The following MDM4 variants were observed in gnomAD, a reference collection of about 807,000 sequenced individuals.
MDM4 encodes MDM4 regulator of p53.
A neutral mutation model predicts 60.2 loss-of-function variants in MDM4; 2 were observed. That is an observed-to-expected ratio of 0.03 (90% CI 0.01 to 0.10). MDM4 has a LOEUF of 0.10. Ranked by LOEUF, MDM4 falls within the 10% of genes least tolerant of loss-of-function variation. The probability of loss-of-function intolerance (pLI) is 1.00; values close to 1 mark genes in which losing one functional copy is unlikely to be tolerated. For missense variants in MDM4, 447 were observed against 577.5 expected, an observed-to-expected ratio of 0.77 and a Z score of 2.32; for synonymous variants, 202 against 198.1, an observed-to-expected ratio of 1.02 and a Z score of -0.17.
intron 3 of MDM4, chr1:204,529,400 G>A (rs897048383): frequency 9.2e-5 from 109 of 1,187,622 alleles, no homozygotes; most frequent in African/African-American, 1.2e-4. Flanking sequence ...GCTGGGCACC[G>A]TAGGAATTTG....
chr1:204,530,171 C>T (rs1010571275), intron 3 of MDM4, among the ~76,000 whole-genome samples: 1 of 152,108 alleles, frequency 6.6e-6, no homozygotes, highest in Admixed American at 6.6e-5. Flanking sequence ...CCACTTCAGC[C>T]GACTAAATTT....
intron 5 of MDM4, among the ~76,000 whole-genome samples, chr1:204,533,547 AG>A (rs1661075152): frequency 6.6e-6 from 1 of 152,080 alleles, no homozygotes; most frequent in Non-Finnish European, 1.5e-5. Context: ...TAGTAGAGAC[AG>A]GGTTTTGCTG....
In MDM4 at chr1:204,542,942, C is replaced by G; in HGVS notation, c.670C>G (p.Gln224Glu). The change falls in exon 8 of 11, where the codon CAG (glutamine) becomes GAG (glutamate). Residue 224 changes from glutamine to glutamate, a missense_variant and splice_region_variant. Gln to Glu is a conservative substitution (Grantham distance 29). Transcript: ENST00000367182. ...SNGSTDLQTNQDVGTAIVSDT... is the reference protein window; with the variant it reads ...SNGSTDLQTNEDVGTAIVSDT... Reference sequence around the variant, plus strand: ...TGGCTCAACTGATTTACAGACAAATCAGGTAAATTTCACATTTGAAGGGAA... The same window carrying G: ...TGGCTCAACTGATTTACAGACAAATGAGGTAAATTTCACATTTGAAGGGAA... 3 of 1,604,388 alleles carry G rather than the reference C, an allele frequency of 1.9e-6. No homozygotes were observed. Among genetic ancestry groups the G allele is most frequent in the South Asian group, 1.1e-5 (1 of 88,660 alleles).
rs1277429817 is a variant in MDM4 at position 204,537,507 on chromosome 1, C to T, written c.411+10C>T. On this transcript the variant is annotated intron_variant, in intron 6 of 10. Transcript: ENST00000367182. ...TCAAGACCAACTGAAGGTAAAATCACCACACGGTGACTTCTTTTGTTGTAC... is the reference window on the plus strand; with the variant it reads ...TCAAGACCAACTGAAGGTAAAATCATCACACGGTGACTTCTTTTGTTGTAC... 4.4e-6 allele frequency: 7 copies of T among 1,603,906 alleles called. No homozygotes were observed. The highest frequency in any genetic ancestry group is 6.0e-6 in the Non-Finnish European group (7 of 1,170,806).
In MDM4 at chr1:204,555,600, T is replaced by TA. The variant is rs1484987189; in HGVS notation, c.*5919dup. ...TGATATTAGGCTAGGGGCGGTGGCT[T>TA]ACGCCTGTAATCCCAGCACTTTGGG... On this transcript the variant is annotated 3_prime_UTR_variant, in exon 11 of 11. Coordinates refer to ENST00000367182, the MANE Select transcript of MDM4 (RefSeq NM_002393.5). 6.0e-6 allele frequency: 1 copy of TA among 167,666 alleles called. No homozygotes were observed. Among genetic ancestry groups the TA allele is most frequent in the African/African-American group, 2.4e-5 (1 of 41,880 alleles). The allele number at this position is 167,666 out of a possible 1,614,324, so 10.4% of individuals were successfully genotyped here.
chr1:204,534,289 A>C (rs1572486501), intron 5 of MDM4, among the ~76,000 whole-genome samples: 1 of 152,224 alleles, frequency 6.6e-6, no homozygotes, highest in Non-Finnish European at 1.5e-5. Context: ...TCACTTGTAA[A>C]ATAGCATGGC....
intron 5 of MDM4, chr1:204,532,729 T>C (rs1397976067): frequency 3.1e-6 from 5 of 1,602,892 alleles, no homozygotes; most frequent in Non-Finnish European, 4.3e-6. Flanking sequence ...TCTATAAAAC[T>C]TAACTTTCCT....
chr1:204,524,810 C>G (rs1015182101), intron 1 of MDM4, among the ~76,000 whole-genome samples: 2 of 152,176 alleles, frequency 1.3e-5, no homozygotes, highest in Admixed American at 1.3e-4. Context: ...TATCTTCCTT[C>G]TCTGTAGCTT....
intron 7 of MDM4, among the ~76,000 whole-genome samples, chr1:204,541,383 C>G (rs1452135451): frequency 1.3e-5 from 2 of 152,154 alleles, no homozygotes; most frequent in Non-Finnish European, 2.9e-5. Context: ...GGAAGGATCA[C>G]TTGAGCCCAA....
chr1:204,546,767 A>C, intron 9 of MDM4, 30 bp from the exon 10 acceptor site: 1 of 1,483,098 alleles, frequency 6.7e-7, no homozygotes, highest in Non-Finnish European at 9.4e-7. Flanking sequence ...ACAAGTAAAC[A>C]TTACTAATGA....
intron 1 of MDM4, among the ~76,000 whole-genome samples, chr1:204,517,871 T>A (rs1348401408): frequency 6.6e-6 from 1 of 151,388 alleles, no homozygotes; most frequent in African/African-American, 2.4e-5. Flanking sequence ...TTTTAATAGA[T>A]GGGATTTCGG....
At chr1:204,546,463 A>G (rs1662672600) in intron 9 of MDM4, among the ~76,000 whole-genome samples, 1 of 152,152 alleles carries the variant, frequency 6.6e-6, no homozygotes, top group Non-Finnish European at 1.5e-5. Context: ...TTGGCCTCCC[A>G]AAGTGCTGAA....
intron 9 of MDM4, among the ~76,000 whole-genome samples, chr1:204,546,359 A>G (rs1372755975): frequency 1.3e-5 from 2 of 151,896 alleles, no homozygotes; most frequent in Non-Finnish European, 2.9e-5. Context: ...GCACCACCAC[A>G]CCTGGCTAAT....
chr1:204,517,854 A>AT (rs56084242), intron 1 of MDM4, among the ~76,000 whole-genome samples: 83,604 of 149,162 alleles, frequency 0.56, 25,873 homozygotes, highest in Non-Finnish European at 0.68. Context: ...CTCCTCATAC[A>AT]TTTTTTTTTT....
intron 1 of MDM4, among the ~76,000 whole-genome samples, chr1:204,524,699 C>T (rs370474886): frequency 2.3e-4 from 35 of 152,350 alleles, no homozygotes; most frequent in African/African-American, 8.4e-4. Context: ...ATCGCTTGAA[C>T]CTGGGAAGCA....
At chr1:204,516,800 A>G (rs1659020079) in intron 1 of MDM4, among the ~76,000 whole-genome samples, 2 of 152,214 alleles carry the variant, frequency 1.3e-5, no homozygotes. Context: ...ACTGGACACA[A>G]CATTTGAGGA....
rs1042698228 is a variant in MDM4, at chr1:204,536,125, G to A, written c.344-1305G>A. Reference sequence around the variant, plus strand: ...AAATACAAAAATTAGTCAGGCGTGCGCCTATAATCCTAGCTACTTGGGAGG... The same window carrying A: ...AAATACAAAAATTAGTCAGGCGTGCACCTATAATCCTAGCTACTTGGGAGG... On this transcript the variant is annotated intron_variant, in intron 5 of 10. Coordinates refer to ENST00000367182, the MANE Select transcript of MDM4 (RefSeq NM_002393.5). Among the ~76,000 whole-genome samples, 10 of 152,038 alleles carry A rather than the reference G, an allele frequency of 6.6e-5. No homozygotes were observed. The South Asian group carries it at 8.3e-4, about 13-fold the overall frequency.
chr1:204,543,893 C>T lies in MDM4; in HGVS notation c.673-642C>T, dbSNP rs4252724. Among the ~76,000 whole-genome samples, 1,068 of 152,246 alleles carry T rather than the reference C, an allele frequency of 7.0e-3. 37 individuals are homozygous for T. The highest frequency in any genetic ancestry group is 0.061 in the Admixed American group (929 of 15,292). The stretch of plus-strand genomic sequence containing the variant: ...TATTATTCACTACTTTTTCCATTAC[C>T]TGGTACCTAGAACAGTATGTGGCAC... On this transcript the variant is annotated intron_variant, in intron 8 of 10. Coordinates refer to ENST00000367182, the MANE Select transcript of MDM4 (RefSeq NM_002393.5).
At chr1:204,523,807 G>A (rs938009061) in intron 1 of MDM4, among the ~76,000 whole-genome samples, 1 of 152,178 alleles carries the variant, frequency 6.6e-6, no homozygotes, top group Non-Finnish European at 1.5e-5. Flanking sequence ...CTCACGGATG[G>A]AGCAATGGTG....
Sources: gnomAD v4.1 joint callset for allele counts (sites outside exome capture counted in the v4.1 genomes callset) on GRCh38, gnomAD v4.1.1 for gene constraint, MANE v1.5 for transcripts, NCBI Gene and HGNC (gene_info 2026-07-23, HGNC 2026-07-21) for gene names.